Variants in TRAP1 observed in about 807,000 individuals in gnomAD.
TRAP1 encodes the protein TNF receptor associated protein 1, also known as heat shock protein 75 kDa, mitochondrial.
A neutral mutation model predicts 89.1 loss-of-function variants in TRAP1; 102 were observed. The ratio of observed to expected loss-of-function variants is 1.15; its 90% CI spans 0.98 to 1.35. The LOEUF is 1.35. Among genes scored for constraint, TRAP1 ranks in the 40% most tolerant of loss-of-function variants. The pLI is 0.00. For missense variants in TRAP1, 1,256 were observed against 945.3 expected (o/e 1.33, Z -4.31); for synonymous variants, 508 against 388.0 (o/e 1.31, Z -3.64).
intron 5 of TRAP1, among the ~76,000 whole-genome samples, chr16:3,678,814 T>C (rs1372243539): frequency 6.6e-6 from 1 of 152,184 alleles, no homozygotes; most frequent in African/African-American, 2.4e-5. Context: ...TGCCCAGAGC[T>C]GGAAAAGGGC....
Position 3,674,509 on chromosome 16 carries a change from C to T in TRAP1, c.889-15G>A, listed in dbSNP as rs114495829. On this transcript the variant is annotated splice_polypyrimidine_tract_variant and intron_variant, in intron 8 of 17. Transcript: ENST00000246957. The stretch of plus-strand genomic sequence containing the variant: ...ATCCAGATGGCCTGGAAACGGAGAT[C>T]GGCGGGGAGGGCGTCGTGTTCACCA... The T allele has an allele frequency of 7.6e-4, 1,232 of 1,612,894 alleles. 5 individuals carry two copies. The African/African-American group carries it at 0.014, about 18-fold the overall frequency.
Position 3,717,450 on chromosome 16 carries a change from C to T in TRAP1, c.59G>A (p.Arg20Gln). The T allele has an allele frequency of 7.8e-7, 1 of 1,279,724 alleles. No individual in the cohort carries two copies. Among genetic ancestry groups the T allele is most frequent in the Non-Finnish European group, 9.8e-7 (1 of 1,020,230 alleles). 79.3% of individuals were successfully genotyped at this position (1,279,724 alleles called of 1,614,324 possible). ...CGGCACGGCCGCCAGCGCCGGCGCC[C>T]GCAGCAAAGGCCGCAGGCGGCGGCC... ...LWGRRLRPLLRAPALAAVPGG... is the reference protein window; with the variant it reads ...LWGRRLRPLLQAPALAAVPGG... Residue 20 changes from arginine to glutamine, a missense_variant, in exon 1 of 18, where the codon CGG (arginine) becomes CAG (glutamine). Physicochemically the swap from Arg to Gln is conservative, Grantham distance 43 (BLOSUM62 1). Coordinates refer to ENST00000246957, the MANE Select transcript of TRAP1 (RefSeq NM_016292.3).
At chr16:3,683,663 A>T (rs1013635299) in intron 4 of TRAP1, among the ~76,000 whole-genome samples, 4 of 151,650 alleles carry the variant, frequency 2.6e-5, no homozygotes, top group Non-Finnish European at 4.4e-5. Flanking sequence ...TGGGATTACA[A>T]GCGTGAGCCA....
At chr16:3,698,174 T>C (rs115807093) in intron 1 of TRAP1, among the ~76,000 whole-genome samples, 371 of 152,136 alleles carry the variant, frequency 2.4e-3, no homozygotes, top group African/African-American at 8.4e-3. Context: ...GTCCTCACAA[T>C]TGGGAAAAAG....
intron 4 of TRAP1, 63 bp downstream of exon 4, chr16:3,685,933 A>G: frequency 6.4e-7 from 1 of 1,572,436 alleles, no homozygotes; most frequent in Non-Finnish European, 8.7e-7. Flanking sequence ...CATCACTAGA[A>G]GGCGGATCCT....
chr16:3,659,049 CAGGAGTGTCAGTATT>C (rs1329076366), intron 16 of TRAP1, 184 bp from the exon 17 acceptor site: 1 of 609,958 alleles, frequency 1.6e-6, no homozygotes, highest in African/African-American at 1.9e-5. Context: ...CCAAGAGAAT[CAGGAGTGTCAGTATT>C]AGAAAATGCT....
chr16:3,663,604 T>C (rs771195583), intron 13 of TRAP1, 42 bp from the exon 14 acceptor site: 6 of 1,609,188 alleles, frequency 3.7e-6, no homozygotes, highest in Non-Finnish European at 2.5e-6. Flanking sequence ...CCCGGGGGCC[T>C]CCAGCCACCA....
At chr16:3,680,655 T>C (rs1054674949) in intron 4 of TRAP1, among the ~76,000 whole-genome samples, 3 of 152,256 alleles carry the variant, frequency 2.0e-5, no homozygotes, top group Admixed American at 1.3e-4. Flanking sequence ...TGCTCTGCTC[T>C]GAGTGCCAGT....
chr16:3,703,147 A>G (rs2051392290), intron 1 of TRAP1, among the ~76,000 whole-genome samples: 1 of 151,518 alleles, frequency 6.6e-6, no homozygotes, highest in African/African-American at 2.4e-5. Context: ...ATATGACATA[A>G]GAGACCCCAG....
chr16:3,682,726 G>A (rs377099043), intron 4 of TRAP1, among the ~76,000 whole-genome samples: 293 of 152,194 alleles, frequency 1.9e-3, no homozygotes, highest in African/African-American at 6.8e-3. Flanking sequence ...AGCCAGGCAT[G>A]GTGGCATGTG....
intron 1 of TRAP1, among the ~76,000 whole-genome samples, chr16:3,695,922 C>T (rs1353031459): frequency 6.6e-6 from 1 of 152,206 alleles, no homozygotes; most frequent in African/African-American, 2.4e-5. Context: ...CGGGGCGGCA[C>T]TGGAGGTACA....
Position 3,707,331 on chromosome 16 carries a change from G to A in TRAP1, c.88+10090C>T, listed in dbSNP as rs558086667. Reference sequence around the variant, plus strand: ...CTCCCAAGTAGCTGGGACTACAGGCGCCCACCACCACACCCGGCTAATGTT... The same window carrying A: ...CTCCCAAGTAGCTGGGACTACAGGCACCCACCACCACACCCGGCTAATGTT... On this transcript the variant is annotated intron_variant, in intron 1 of 17. Coordinates refer to ENST00000246957, the MANE Select transcript of TRAP1 (RefSeq NM_016292.3). 2.0e-3 allele frequency among the ~76,000 whole-genome samples: 297 copies of A among 150,030 alleles called. 1 individual carries two copies. Among genetic ancestry groups the A allele is most frequent in the African/African-American group, 5.3e-3 (214 of 40,726 alleles).
Position 3,666,230 on chromosome 16 carries a change from C to G in TRAP1, c.1236-112G>C, listed in dbSNP as rs545017289. The G allele has an allele frequency of 4.2e-5, 57 of 1,354,916 alleles. 1 individual carries two copies. The African/African-American group carries it at 7.5e-4, about 18-fold the overall frequency. The allele number at this position is 1,354,916 out of a possible 1,614,324, so 83.9% of individuals were successfully genotyped here. ...CTAAGAATCAAAGAAGTGAAAACAA[C>G]AAGGTACCGTTATTGGCCAAACTGA... On this transcript the variant is annotated intron_variant, in intron 11 of 17. Transcript: ENST00000246957.
intron 1 of TRAP1, among the ~76,000 whole-genome samples, chr16:3,709,104 C>G (rs930827900): frequency 2.6e-5 from 4 of 151,274 alleles, no homozygotes; most frequent in African/African-American, 9.7e-5. Context: ...CGTGAGCCAC[C>G]GTGCCTGGCC....
At position 3,662,690 on chromosome 16, in the gene TRAP1, C is replaced by T. The variant is rs566757082; in HGVS notation, c.1794+192G>A. 1.3e-4 allele frequency: 93 copies of T among 697,564 alleles called. 1 individual carries two copies. The highest frequency in any genetic ancestry group is 8.2e-4 in the South Asian group (55 of 66,776). The allele number at this position is 697,564 out of a possible 1,614,324, so 43.2% of individuals were successfully genotyped here. A position where few individuals can be genotyped will look rare whatever the true frequency, so the allele number is the denominator to read the frequency against. On this transcript the variant is annotated intron_variant, in intron 15 of 17. Coordinates refer to ENST00000246957, the MANE Select transcript of TRAP1 (RefSeq NM_016292.3). ...CTGGAGCAGGGCTGGGAGAAAGACACGGCCTTCCTGCCTCAGCGGCACTCC... is the reference window on the plus strand; with the variant it reads ...CTGGAGCAGGGCTGGGAGAAAGACATGGCCTTCCTGCCTCAGCGGCACTCC...
At chr16:3,714,867 T>A (rs2051576956) in intron 1 of TRAP1, among the ~76,000 whole-genome samples, 2 of 152,052 alleles carry the variant, frequency 1.3e-5, no homozygotes, top group Admixed American at 6.6e-5. Flanking sequence ...AAGAAAAAAA[T>A]TTCAAGAGGT....
chr16:3,709,897 G>A (rs1282118667), intron 1 of TRAP1, among the ~76,000 whole-genome samples: 5 of 152,162 alleles, frequency 3.3e-5, no homozygotes, highest in East Asian at 1.9e-4. Flanking sequence ...TGATCCACCC[G>A]CCTCAGCCTG....
chr16:3,697,151 T>C (rs915868838), intron 1 of TRAP1, among the ~76,000 whole-genome samples: 1 of 152,244 alleles, frequency 6.6e-6, no homozygotes, highest in African/African-American at 2.4e-5. Flanking sequence ...CAAGTCAGTG[T>C]TGAGATGAAA....
chr16:3,677,091 C>G (rs970614243), intron 6 of TRAP1: 1 of 173,488 alleles, frequency 5.8e-6, no homozygotes, highest in Admixed American at 5.9e-5. Flanking sequence ...CCAGCAGGCT[C>G]CTCACCCTAT....
Sources: allele counts gnomAD v4.1 joint callset (sites outside exome capture counted in the v4.1 genomes callset), GRCh38; gene constraint gnomAD v4.1.1; transcripts MANE v1.5; gene names NCBI Gene and HGNC (gene_info 2026-07-23, HGNC 2026-07-21).